The following RGS7 variants were observed in gnomAD, a reference collection of about 807,000 sequenced individuals.
RGS7 encodes the protein regulator of G-protein signaling 7.
Under a neutral mutation model 81.1 loss-of-function variants are expected in RGS7, and 27 were observed. The observed-to-expected ratio is 0.33, with a 90% CI of 0.25 to 0.46. RGS7 has a LOEUF of 0.46. RGS7 is among the 20% of genes least tolerant of loss of function. The pLI, the probability that RGS7 is intolerant of heterozygous loss-of-function variation, is 1.00. For missense variants in RGS7, 396 were observed against 607.4 expected (o/e 0.65, Z 3.66); for synonymous variants, 208 against 207.7 (o/e 1.00, Z -0.01).
intron 2 of RGS7, among the ~76,000 whole-genome samples, chr1:241,131,849 A>G (rs2067123900): frequency 6.6e-6 from 1 of 152,226 alleles, no homozygotes; most frequent in Non-Finnish European, 1.5e-5. Context: ...TGCAGAGGAA[A>G]TATTTATTAA....
In RGS7 at chr1:240,789,550, G is replaced by A. The variant is rs1338170450; in HGVS notation, c.*6+11091C>T. Among the ~76,000 whole-genome samples, 13 of 152,332 alleles carry A rather than the reference G, an allele frequency of 8.5e-5. No individual in the cohort carries two copies. In the East Asian group the frequency reaches 1.7e-3, roughly 20 times the overall value. On this transcript the variant is annotated intron_variant, in intron 18 of 18. Coordinates refer to ENST00000440928, the MANE Select transcript of RGS7 (RefSeq NM_001364886.1). ...TCCCTGAGAAACAGAATGTGTCCCT[G>A]AGGGGAGGCCTCTGAAATGGCCGCT...
At chr1:241,261,026 A>T (rs1045975697) in intron 2 of RGS7, among the ~76,000 whole-genome samples, 1 of 152,020 alleles carries the variant, frequency 6.6e-6, no homozygotes, top group Admixed American at 6.6e-5. Flanking sequence ...TACGTATGTA[A>T]CTAACCTGCA....
chr1:241,261,070 A>G (rs887981823), intron 2 of RGS7, among the ~76,000 whole-genome samples: 8 of 152,144 alleles, frequency 5.3e-5, no homozygotes, highest in Non-Finnish European at 1.0e-4. Context: ...CTTAAAGTAT[A>G]ATAATTAAAA....
chr1:240,920,796 A>G (rs772421452), intron 6 of RGS7, among the ~76,000 whole-genome samples: 4 of 152,176 alleles, frequency 2.6e-5, no homozygotes, highest in Admixed American at 1.3e-4. Context: ...TTTGTGACTA[A>G]TTGTATGACA....
chr1:241,102,649 A>C (rs1264583738), intron 2 of RGS7, among the ~76,000 whole-genome samples: 4 of 152,162 alleles, frequency 2.6e-5, no homozygotes, highest in Non-Finnish European at 5.9e-5. Context: ...CACTAATTAA[A>C]GTCTCGCAAG....
chr1:240,873,505 A>G (rs1664844511), intron 6 of RGS7, among the ~76,000 whole-genome samples: 1 of 152,222 alleles, frequency 6.6e-6, no homozygotes, highest in Non-Finnish European at 1.5e-5. Context: ...AAAGCTCCAT[A>G]GATAAGGCAT....
At chr1:240,791,783 A>G (rs1267316409) in intron 18 of RGS7, among the ~76,000 whole-genome samples, 1 of 152,198 alleles carries the variant, frequency 6.6e-6, no homozygotes, top group Admixed American at 6.5e-5. Context: ...ACCATAATAA[A>G]CCCAAACTTT....
rs1242775280 is a variant in RGS7 at position 241,221,154 on chromosome 1, CAAAA to C, written c.79-122396_79-122393del. On this transcript the variant is annotated intron_variant, in intron 2 of 18. Transcript: ENST00000440928. ...GAAAGAAAGAAAAGAAAAAAGAAAACAAAAGAAGGAAGGAAGGGGAAAAAAGAAA... is the reference window on the plus strand; with the variant it reads ...GAAAGAAAGAAAAGAAAAAAGAAAACGAAGGAAGGAAGGGGAAAAAAGAAA... Among the ~76,000 whole-genome samples, 7 of 133,150 alleles carry C rather than the reference CAAAA, an allele frequency of 5.3e-5. No homozygotes were observed. The East Asian group carries it at 6.5e-4, about 12-fold the overall frequency. 87.4% of individuals were successfully genotyped at this position (133,150 alleles called of 152,430 possible). A position where few individuals can be genotyped will look rare whatever the true frequency, so the allele number is the denominator to read the frequency against.
intron 2 of RGS7, among the ~76,000 whole-genome samples, chr1:241,343,296 G>C (rs2082687086): frequency 6.6e-6 from 1 of 151,408 alleles, no homozygotes; most frequent in Admixed American, 6.6e-5. Context: ...ACAATTACCA[G>C]GTGATCCAGC....
chr1:240,933,126 C>T (rs12129317), intron 5 of RGS7, among the ~76,000 whole-genome samples: 5 of 150,646 alleles, frequency 3.3e-5, no homozygotes, highest in African/African-American at 9.7e-5. Flanking sequence ...TCGTGATCTG[C>T]CCCCCTCGGC....
chr1:240,989,492 C>A (rs1686148874), intron 3 of RGS7, among the ~76,000 whole-genome samples: 1 of 151,896 alleles, frequency 6.6e-6, no homozygotes, highest in East Asian at 1.9e-4. Context: ...AGCACCCAAT[C>A]TAGAGCAAAG....
chr1:240,911,775 T>C (rs1671788719), intron 6 of RGS7, among the ~76,000 whole-genome samples: 1 of 152,062 alleles, frequency 6.6e-6, no homozygotes, highest in Non-Finnish European at 1.5e-5. Context: ...GCTCAATTGT[T>C]TTTAGTCATA....
intron 18 of RGS7, among the ~76,000 whole-genome samples, chr1:240,779,133 G>A (rs1260924914): frequency 6.8e-6 from 1 of 148,052 alleles, no homozygotes; most frequent in Admixed American, 6.7e-5. Context: ...GTGTGTGTGT[G>A]TGTGACAGTC....
At chr1:240,926,591 G>A (rs564406235) in intron 6 of RGS7, among the ~76,000 whole-genome samples, 187 of 152,170 alleles carry the variant, frequency 1.2e-3, no homozygotes, top group African/African-American at 3.9e-3. Context: ...ACCCTGCCTC[G>A]GCTTCTGTTT....
At position 241,174,741 on chromosome 1, in the gene RGS7, C is replaced by T. The variant is rs540850850; in HGVS notation, c.79-75979G>A. Reference sequence around the variant, plus strand: ...ATCTGGGGACAACTGCTTCCTTCTCCCCTATGCCTTTGTGATCAGAAGGAG... The same window carrying T: ...ATCTGGGGACAACTGCTTCCTTCTCTCCTATGCCTTTGTGATCAGAAGGAG... On this transcript the variant is annotated intron_variant, in intron 2 of 18. Coordinates refer to ENST00000440928, the MANE Select transcript of RGS7 (RefSeq NM_001364886.1). Among the ~76,000 whole-genome samples, 3 of 151,964 alleles carry T rather than the reference C, an allele frequency of 2.0e-5. No homozygotes were observed. In the East Asian group the frequency reaches 5.8e-4, roughly 29 times the overall value.
intron 3 of RGS7, among the ~76,000 whole-genome samples, chr1:241,001,219 A>G (rs945029811): frequency 6.6e-5 from 10 of 152,218 alleles, no homozygotes; most frequent in African/African-American, 2.4e-4. Flanking sequence ...ACCTAACACA[A>G]TATAGCTATA....
intron 3 of RGS7, among the ~76,000 whole-genome samples, chr1:240,997,833 C>A (rs909936170): frequency 6.6e-6 from 1 of 152,174 alleles, no homozygotes; most frequent in Non-Finnish European, 1.5e-5. Context: ...CAGGAAAAAA[C>A]AAAATTTTCA....
chr1:240,846,751 G>A (rs1258279483), intron 9 of RGS7, among the ~76,000 whole-genome samples: 2 of 152,114 alleles, frequency 1.3e-5, no homozygotes, highest in Admixed American at 6.5e-5. Flanking sequence ...TATGAGATTA[G>A]GATATACAAA....
chr1:241,015,756 A>G (rs926733370), intron 3 of RGS7, among the ~76,000 whole-genome samples: 5 of 152,236 alleles, frequency 3.3e-5, no homozygotes, highest in African/African-American at 1.2e-4. Context: ...TTTCATTTAG[A>G]TATTTTATTC....
Sources: gnomAD v4.1 joint callset for allele counts (sites outside exome capture counted in the v4.1 genomes callset) on GRCh38, gnomAD v4.1.1 for gene constraint, MANE v1.5 for transcripts, NCBI Gene and HGNC (gene_info 2026-07-23, HGNC 2026-07-21) for gene names.